Variants in PLK1 observed in about 807,000 individuals in gnomAD.
PLK1 encodes the protein serine/threonine-protein kinase PLK1.
PLK1 carries 6 observed loss-of-function variants against 56.7 expected under a neutral mutation model. That is an observed-to-expected ratio of 0.11 (90% CI 0.06 to 0.21). The LOEUF is 0.21. Among genes scored for constraint, PLK1 ranks in the 10% least tolerant of loss-of-function variants. The pLI is 1.00. For synonymous variants in PLK1, 298 were observed against 325.0 expected (o/e 0.92, Z 0.89); for missense variants, 546 against 814.4 (o/e 0.67, Z 4.01).
At chr16:23,684,492 G>C (rs1197550309) in intron 5 of PLK1, among the ~76,000 whole-genome samples, 2 of 151,912 alleles carry the variant, frequency 1.3e-5, no homozygotes, top group Non-Finnish European at 2.9e-5. Flanking sequence ...AGCTGGGACT[G>C]TCAGGCATGC....
rs181173012 is a variant in PLK1, at chr16:23,684,624, G to A, written c.1036+535G>A. Among the ~76,000 whole-genome samples, 1,201 of 152,300 alleles carry A rather than the reference G, an allele frequency of 7.9e-3. 54 individuals carry two copies. The highest frequency in any genetic ancestry group is 0.06 in the Admixed American group (918 of 15,288). On this transcript the variant is annotated intron_variant, in intron 5 of 9. Transcript: ENST00000300093. ...TTCACCTCCACCAAAGTGTTGGGAT[G>A]ACAGGCATGAGCTGCTACATCTGGC...
chr16:23,680,801 C>T (rs1217638570), intron 2 of PLK1, 113 bp from the exon 3 acceptor site: 1 of 1,006,814 alleles, frequency 9.9e-7, no homozygotes, highest in South Asian at 1.6e-5. Context: ...GGAGCAGAGG[C>T]TTGTGGGATC....
rs1427367563 is a variant in PLK1 at position 23,690,113 on chromosome 16, TG to T, written c.*54del. The T allele has an allele frequency of 1.4e-6, 2 of 1,453,516 alleles. No homozygotes were observed. Among genetic ancestry groups the T allele is most frequent in the East Asian group, 4.6e-5 (2 of 43,908 alleles). The allele number at this position is 1,453,516 out of a possible 1,614,324, so 90.0% of individuals were successfully genotyped here. On this transcript the variant is annotated 3_prime_UTR_variant, in exon 10 of 10. Coordinates refer to ENST00000300093, the MANE Select transcript of PLK1 (RefSeq NM_005030.6). Reference sequence around the variant, plus strand: ...TGCCCTCCTCACTCCCACCTGCATCTGGGGCCCATACTGGTTGGCTCCCGCG... The same window carrying T: ...TGCCCTCCTCACTCCCACCTGCATCTGGGCCCATACTGGTTGGCTCCCGCG...
In PLK1 at chr16:23,679,014, C is replaced by T. The variant is rs754746085; in HGVS notation, c.82C>T (p.Pro28Ser). ...AGCCGGGGTCCCCGGAGTTGCAGCT[C>T]CCGGAGCTCCGGCGGCGGCTCCACC... Reference protein sequence around the residue: ...GKAGVPGVAAPGAPAAAPPAK... With the variant: ...GKAGVPGVAASGAPAAAPPAK... The change falls in exon 1 of 10, where the codon CCC becomes TCC. Residue 28 changes from proline (P) to serine (S), a missense_variant. Around this residue, in one of 7 missense-constraint regions of PLK1, gnomAD observed 72 missense variants for 63.7 expected, o/e 1.13. Transcript: ENST00000300093. 3.7e-6 allele frequency: 6 copies of T among 1,607,772 alleles called. No individual in the cohort carries two copies. In the South Asian group the frequency reaches 6.6e-5, roughly 18 times the overall value.
At position 23,679,035 on chromosome 16, in the gene PLK1, C is replaced by T; in HGVS notation, c.103C>T (p.Pro35Ser). 6.2e-7 allele frequency: 1 copy of T among 1,608,588 alleles called. No homozygotes were observed. Among genetic ancestry groups the T allele is most frequent in the East Asian group, 2.2e-5 (1 of 44,742 alleles). The part of the protein sequence containing the change: ...VAAPGAPAAA[P>S]PAKEIPEVLV... ...AGCTCCCGGAGCTCCGGCGGCGGCT[C>T]CACCGGCGAAAGAGATCCCGGAGGT... Residue 35 changes from proline to serine, a missense_variant, in exon 1 of 10, where the codon CCA becomes TCA. Transcript: ENST00000300093.
chr16:23,687,584 C>A lies in PLK1; in HGVS notation c.1152C>A (p.Val384=). The A allele has an allele frequency of 6.2e-7, 1 of 1,601,118 alleles. No homozygotes were observed. The highest frequency in any genetic ancestry group is 1.1e-5 in the South Asian group (1 of 89,100). The change falls in exon 6 of 10, where the codon GTC becomes GTA. Residue 384 remains valine (V), a synonymous_variant. Transcript: ENST00000300093. ...ACATGCTGCAGCAGCTGCACAGTGTCAATGCCTCCAAGCCCTCGGAGCGTG... is the reference window on the plus strand; with the variant it reads ...ACATGCTGCAGCAGCTGCACAGTGTAAATGCCTCCAAGCCCTCGGAGCGTG... ...LSDMLQQLHS[V]NASKPSERGL...
At chr16:23,688,026 A>G (rs1026104463) in intron 6 of PLK1, among the ~76,000 whole-genome samples, 17 of 152,102 alleles carry the variant, frequency 1.1e-4, no homozygotes, top group African/African-American at 3.9e-4. Flanking sequence ...CAGCTCTGTG[A>G]GCATCTCCCT....
At chr16:23,684,136 C>T in intron 5 of PLK1, 47 bp downstream of exon 5, 6 of 1,464,264 alleles carry the variant, frequency 4.1e-6, no homozygotes, top group Non-Finnish European at 5.7e-6. Flanking sequence ...AGAGAAAGCC[C>T]AGGTTGTAGG....
chr16:23,683,959 C>T lies in PLK1; in HGVS notation c.906C>T (p.Asp302=), dbSNP rs753555906. Residue 302 remains aspartate (D), a synonymous_variant, in exon 5 of 10, where the codon GAC becomes GAT. Coordinates refer to ENST00000300093, the MANE Select transcript of PLK1 (RefSeq NM_005030.6). ...CAACCATTAACGAGCTGCTTAATGA[C>T]GAGTTCTTTACTTCTGGCTATATCC... The part of the protein sequence containing the change: ...ARPTINELLN[D]EFFTSGYIPA... 2.2e-5 allele frequency: 35 copies of T among 1,613,902 alleles called. No individual in the cohort carries two copies. Among genetic ancestry groups the T allele is most frequent in the Admixed American group, 8.3e-5 (5 of 59,996 alleles).
At chr16:23,680,509 G>A (rs1179070640) in intron 2 of PLK1, among the ~76,000 whole-genome samples, 1 of 152,106 alleles carries the variant, frequency 6.6e-6, no homozygotes, top group Non-Finnish European at 1.5e-5. Context: ...AGTAATACGA[G>A]GACAGCATTT....
At chr16:23,686,743 G>A (rs973791181) in intron 5 of PLK1, among the ~76,000 whole-genome samples, 17 of 152,128 alleles carry the variant, frequency 1.1e-4, no homozygotes, top group African/African-American at 4.1e-4. Flanking sequence ...TACCTGCCTC[G>A]GTCTCTCATA....
rs1241585527 is a variant in PLK1 at position 23,689,248 on chromosome 16, C to T, written c.1281C>T (p.Leu427=). The T allele has an allele frequency of 6.2e-7, 1 of 1,611,754 alleles. No homozygotes were observed. Among genetic ancestry groups the T allele is most frequent in the Non-Finnish European group, 8.5e-7 (1 of 1,178,188 alleles). ...YSDKYGLGYQ[L]CDNSVGVLFN... ...TCCACCGATCCCTAGGGTATCAGCT[C>T]TGTGATAACAGCGTGGGGGTGCTCT... is the stretch of plus-strand genomic sequence containing the variant. Residue 427 remains leucine (L), a synonymous_variant, in exon 8 of 10, where the codon CTC becomes CTT. Transcript: ENST00000300093. The surrounding 1 kb of genome is among the most constrained non-coding windows in gnomAD (Gnocchi z 4.8).
At position 23,684,043 on chromosome 16, in the gene PLK1, C is replaced by A; in HGVS notation, c.990C>A (p.Ser330Arg). Reference sequence around the variant, plus strand: ...CACCAAGGTTTTCGATTGCTCCCAGCAGCCTGGACCCCAGCAACCGGAAGC... The same window carrying A: ...CACCAAGGTTTTCGATTGCTCCCAGAAGCCTGGACCCCAGCAACCGGAAGC... ...TIPPRFSIAPSSLDPSNRKPL... is the reference protein window; with the variant it reads ...TIPPRFSIAPRSLDPSNRKPL... The change falls in exon 5 of 10, where the codon AGC (serine) becomes AGA (arginine). Residue 330 changes from serine (S) to arginine (R), a missense_variant. This residue lies in a region of PLK1 where 157 missense variants were observed against 184.0 expected (regional missense o/e 0.85). Transcript: ENST00000300093. 1 of 1,614,180 alleles carries A rather than the reference C, an allele frequency of 6.2e-7. No individual in the cohort carries two copies. Among genetic ancestry groups the A allele is most frequent in the African/African-American group, 1.3e-5 (1 of 75,050 alleles).
At position 23,678,899 on chromosome 16, in the gene PLK1, C is replaced by T. The variant is rs753032355; in HGVS notation, c.-34C>T. 3 of 1,461,370 alleles carry T rather than the reference C, an allele frequency of 2.1e-6. No individual in the cohort carries two copies. Among genetic ancestry groups the T allele is most frequent in the Non-Finnish European group, 2.7e-6 (3 of 1,105,268 alleles). The allele number at this position is 1,461,370 out of a possible 1,614,324, so 90.5% of individuals were successfully genotyped here. A position where few individuals can be genotyped will look rare whatever the true frequency, so the allele number is the denominator to read the frequency against. On this transcript the variant is annotated 5_prime_UTR_variant, in exon 1 of 10. Coordinates refer to ENST00000300093, the MANE Select transcript of PLK1 (RefSeq NM_005030.6). ...GGAGCGGAGCGGTGCGGAGGCTCTGCTCGGATCGAGGTCTGCAGCGCAGCT... is the reference window on the plus strand; with the variant it reads ...GGAGCGGAGCGGTGCGGAGGCTCTGTTCGGATCGAGGTCTGCAGCGCAGCT...
intron 4 of PLK1, 62 bp from the exon 5 acceptor site, chr16:23,683,808 G>A: frequency 7.8e-7 from 1 of 1,286,734 alleles, no homozygotes; most frequent in Non-Finnish European, 1.1e-6. Context: ...CTCCTTTGAG[G>A]CCGTACTGTA....
At chr16:23,683,335 G>T (rs559287170) in intron 4 of PLK1, among the ~76,000 whole-genome samples, 1 of 152,270 alleles carries the variant, frequency 6.6e-6, no homozygotes, top group South Asian at 2.1e-4. Context: ...ACATTTAAAG[G>T]AATAGCTGGT....
At chr16:23,685,728 T>G (rs1246046134) in intron 5 of PLK1, among the ~76,000 whole-genome samples, 1 of 152,032 alleles carries the variant, frequency 6.6e-6, no homozygotes, top group African/African-American at 2.4e-5. Context: ...AAAAATTTTT[T>G]TTTTGTAAAG....
chr16:23,679,532 A>G, intron 1 of PLK1, 192 bp downstream of exon 1: 1 of 579,518 alleles, frequency 1.7e-6, no homozygotes, highest in Non-Finnish European at 3.0e-6. Flanking sequence ...GAGCTGCTAG[A>G]GGAGGGGGTT....
At position 23,690,034 on chromosome 16, in the gene PLK1, T is replaced by C. The variant is rs1329379434; in HGVS notation, c.1783T>C (p.Ser595Pro). The C allele has an allele frequency of 6.2e-7, 1 of 1,611,836 alleles. No homozygotes were observed. Among genetic ancestry groups the C allele is most frequent in the African/African-American group, 1.3e-5 (1 of 74,916 alleles). Reference sequence around the variant, plus strand: ...GGTGGACAAGCTGCTGAGCTCACGCTCGGCCAGCAACCGTCTCAAGGCCTC... The same window carrying C: ...GGTGGACAAGCTGCTGAGCTCACGCCCGGCCAGCAACCGTCTCAAGGCCTC... Reference protein sequence around the residue: ...TMVDKLLSSRSASNRLKAS With the variant: ...TMVDKLLSSRPASNRLKAS Residue 595 changes from serine to proline, a missense_variant, in exon 10 of 10, where the codon TCG (serine) becomes CCG (proline). This residue lies in a region of PLK1 where 72 missense variants were observed against 77.9 expected (regional missense o/e 0.92). Transcript: ENST00000300093.
Sources: gnomAD v4.1 joint callset for allele counts (sites outside exome capture counted in the v4.1 genomes callset) on GRCh38, gnomAD v4.1.1 for gene constraint, gnomAD v4.1.1 regional missense constraint, Gnocchi (gnomAD v3.1) non-coding constraint, MANE v1.5 for transcripts, NCBI Gene and HGNC (gene_info 2026-07-23, HGNC 2026-07-21) for gene names.